Variants in EFCAB6 observed in about 807,000 individuals in gnomAD.
EFCAB6 encodes EF-hand calcium-binding domain-containing protein 6.
EFCAB6 carries 156 observed loss-of-function variants against 169.8 expected under a neutral mutation model. That is an observed-to-expected ratio of 0.92 (90% CI 0.81 to 1.05). The LOEUF is 1.05. EFCAB6 is among the 50% of genes least tolerant of loss of function. EFCAB6 has a pLI of 0.00. For synonymous variants in EFCAB6, 698 were observed against 676.4 expected, an observed-to-expected ratio of 1.03 and a Z score of -0.50; for missense variants, 1,800 against 1,829.1, an observed-to-expected ratio of 0.98 and a Z score of 0.29.
chr22:43,575,763 C>A (rs573786025), intron 26 of EFCAB6, among the ~76,000 whole-genome samples: 1 of 152,056 alleles, frequency 6.6e-6, no homozygotes, highest in Non-Finnish European at 1.5e-5. Context: ...TACTCACTAG[C>A]TGGGTGACTG....
At chr22:43,529,754 G>A (rs2046946371) in intron 31 of EFCAB6, among the ~76,000 whole-genome samples, 1 of 152,092 alleles carries the variant, frequency 6.6e-6, no homozygotes, top group Non-Finnish European at 1.5e-5. Context: ...CAAAAATGTG[G>A]TCCCTGATGA....
intron 20 of EFCAB6, among the ~76,000 whole-genome samples, chr22:43,618,371 G>A (rs940411612): frequency 6.6e-6 from 1 of 151,976 alleles, no homozygotes; most frequent in African/African-American, 2.4e-5. Context: ...AGACCTCAGG[G>A]AACACACTCC....
At chr22:43,687,325 AATCACT>A (rs1426399963) in intron 11 of EFCAB6, 140 bp downstream of exon 11, 7 of 534,976 alleles carry the variant, frequency 1.3e-5, no homozygotes, top group Non-Finnish European at 1.9e-5. Flanking sequence ...GTAAGCAGTA[AATCACT>A]ATATAAAAGT....
At chr22:43,550,479 C>T (rs1234973122) in intron 27 of EFCAB6, among the ~76,000 whole-genome samples, 3 of 152,104 alleles carry the variant, frequency 2.0e-5, no homozygotes, top group Non-Finnish European at 4.4e-5. Flanking sequence ...CAAGACCAGC[C>T]TAACCAATAT....
At position 43,672,346 on chromosome 22, in the gene EFCAB6, T is replaced by C. The variant is rs182006332; in HGVS notation, c.1420-41A>G. The C allele has an allele frequency of 5.4e-5, 86 of 1,604,840 alleles. No homozygotes were observed. In the Admixed American group the frequency reaches 1.4e-3, roughly 26 times the overall value. On this transcript the variant is annotated intron_variant, in intron 13 of 31. Coordinates refer to ENST00000262726, the MANE Select transcript of EFCAB6 (RefSeq NM_022785.4). ...AAAGTATATAAATAAATACCACTCA[T>C]GAAAGTCATTAGGAGCTTTGGAGGC...
intron 1 of EFCAB6, among the ~76,000 whole-genome samples, chr22:43,811,012 C>G (rs1253343402): frequency 6.6e-6 from 1 of 152,024 alleles, no homozygotes; most frequent in East Asian, 1.9e-4. Flanking sequence ...GTTAAGGCCA[C>G]CCATTTAGGA....
chr22:43,659,429 T>C (rs377639365), intron 17 of EFCAB6, among the ~76,000 whole-genome samples: 9 of 152,206 alleles, frequency 5.9e-5, no homozygotes, highest in Admixed American at 6.5e-5. Context: ...GAGGCTGAGG[T>C]GGGTGGATCA....
At chr22:43,683,619 C>T (rs992226966) in intron 12 of EFCAB6, 128 bp downstream of exon 12, 36 of 715,128 alleles carry the variant, frequency 5.0e-5, no homozygotes, top group Admixed American at 2.3e-4. Flanking sequence ...CAGCATGTAA[C>T]GGGGGCTCAA....
intron 10 of EFCAB6, among the ~76,000 whole-genome samples, chr22:43,710,851 G>C (rs1384075157): frequency 6.6e-6 from 1 of 152,302 alleles, no homozygotes. Context: ...AGGGTAGGGA[G>C]TCAGGGGAGG....
At chr22:43,696,921 A>G (rs2058596835) in intron 10 of EFCAB6, among the ~76,000 whole-genome samples, 1 of 152,218 alleles carries the variant, frequency 6.6e-6, no homozygotes. Context: ...TACACTTAAA[A>G]ATGAATTTAT....
chr22:43,790,989 C>T (rs1328622877), intron 2 of EFCAB6, among the ~76,000 whole-genome samples: 1 of 152,130 alleles, frequency 6.6e-6, no homozygotes, highest in Non-Finnish European at 1.5e-5. Flanking sequence ...TACAGAAGAT[C>T]AACACTTCCA....
intron 26 of EFCAB6, among the ~76,000 whole-genome samples, chr22:43,567,866 T>C (rs2049550269): frequency 6.6e-6 from 1 of 152,112 alleles, no homozygotes; most frequent in African/African-American, 2.4e-5. Context: ...AGTTCCAAGC[T>C]CCTGCCAGCC....
At chr22:43,757,288 C>T (rs998174647) in intron 5 of EFCAB6, among the ~76,000 whole-genome samples, 1 of 152,334 alleles carries the variant, frequency 6.6e-6, no homozygotes, top group East Asian at 1.9e-4. Flanking sequence ...TGGCTCACGC[C>T]TGTAATCCCA....
chr22:43,670,629 T>G (rs1002963139), intron 15 of EFCAB6, among the ~76,000 whole-genome samples: 4 of 152,254 alleles, frequency 2.6e-5, no homozygotes, highest in Non-Finnish European at 5.9e-5. Context: ...AAGTGCTCAC[T>G]AGTATTATAA....
rs1219039572 is a variant in EFCAB6, at chr22:43,626,770, G to A, written c.2233-91C>T. ...CCCACGTGTAGAGCCTCATCTCCAC[G>A]CGAGGAGGGGCAGCTTGGCTGGGCC... is the stretch of plus-strand genomic sequence containing the variant. On this transcript the variant is annotated intron_variant, in intron 19 of 31. Transcript: ENST00000262726. 1.0e-5 allele frequency: 12 copies of A among 1,184,598 alleles called. No homozygotes were observed. The East Asian group carries it at 2.1e-4, about 21-fold the overall frequency. The allele number at this position is 1,184,598 out of a possible 1,614,324, so 73.4% of individuals were successfully genotyped here.
intron 7 of EFCAB6, among the ~76,000 whole-genome samples, chr22:43,734,664 T>A (rs951584990): frequency 6.6e-6 from 1 of 152,134 alleles, no homozygotes; most frequent in African/African-American, 2.4e-5. Flanking sequence ...CTGGACACTT[T>A]CCCAGCCGGA....
intron 17 of EFCAB6, among the ~76,000 whole-genome samples, chr22:43,638,366 C>T (rs1343221494): frequency 6.6e-6 from 1 of 152,184 alleles, no homozygotes; most frequent in African/African-American, 2.4e-5. Context: ...AAGAAAGTTG[C>T]TCAAAGACTG....
chr22:43,715,021 A>T (rs1337674855), intron 9 of EFCAB6, among the ~76,000 whole-genome samples: 1 of 152,224 alleles, frequency 6.6e-6, no homozygotes, highest in African/African-American at 2.4e-5. Context: ...GTGAGGTGGG[A>T]GGTAGGCGTA....
At chr22:43,603,867 C>A (rs1446882380) in intron 22 of EFCAB6, among the ~76,000 whole-genome samples, 1 of 152,214 alleles carries the variant, frequency 6.6e-6, no homozygotes, top group Non-Finnish European at 1.5e-5. Flanking sequence ...ACCCAAATCT[C>A]ATGTCAAATT....
Sources: gnomAD v4.1 joint callset for allele counts (sites outside exome capture counted in the v4.1 genomes callset) on GRCh38, gnomAD v4.1.1 for gene constraint, MANE v1.5 for transcripts, NCBI Gene and HGNC (gene_info 2026-07-23, HGNC 2026-07-21) for gene names.